SPAG16: variants seen among roughly 807,000 people sequenced by gnomAD.
The protein encoded by SPAG16 is sperm-associated antigen 16 protein.
A neutral mutation model predicts 80.4 loss-of-function variants in SPAG16; 86 were observed. That is an observed-to-expected ratio of 1.07 (90% CI 0.90 to 1.28). The LOEUF is 1.28. Among genes scored for constraint, SPAG16 ranks in the 50% most tolerant of loss-of-function variants. The pLI is 0.00. For synonymous variants in SPAG16, 294 were observed against 265.9 expected (o/e 1.11, Z -1.03); for missense variants, 870 against 765.3 (o/e 1.14, Z -1.61).
rs545066489 is a variant in SPAG16, at chr2:213,566,593, A to G, written c.1070+76503A>G. On this transcript the variant is annotated intron_variant, in intron 10 of 15. Transcript: ENST00000331683. ...CTATGCTTCACAGTAATTTCTGACC[A>G]TGGAATAATGACCTAAGCTCACTGT... Among the ~76,000 whole-genome samples the G allele has an allele frequency of 1.1e-4, 17 of 152,312 alleles. No individual in the cohort carries two copies. In the South Asian group the frequency reaches 2.7e-3, roughly 24 times the overall value.
chr2:213,713,361 T>C (rs1290832788), intron 10 of SPAG16, among the ~76,000 whole-genome samples: 2 of 152,102 alleles, frequency 1.3e-5, no homozygotes, highest in Non-Finnish European at 2.9e-5. Flanking sequence ...TGAATAGGAC[T>C]TTGTCCAAGA....
chr2:214,363,425 T>G (rs531319621), intron 15 of SPAG16, among the ~76,000 whole-genome samples: 1 of 152,202 alleles, frequency 6.6e-6, no homozygotes, highest in East Asian at 1.9e-4. Context: ...TCAAAGTACA[T>G]ATTTTTAAAT....
chr2:214,109,344 G>T (rs773825190), intron 14 of SPAG16, among the ~76,000 whole-genome samples: 32 of 152,148 alleles, frequency 2.1e-4, no homozygotes, highest in Non-Finnish European at 4.1e-4. Flanking sequence ...AAAGAGATTT[G>T]ACTACATAGA....
At chr2:214,120,143 C>G (rs890123992) in intron 14 of SPAG16, among the ~76,000 whole-genome samples, 4 of 151,750 alleles carry the variant, frequency 2.6e-5, no homozygotes, top group Non-Finnish European at 2.9e-5. Context: ...TCTAGTATCT[C>G]TTTTAGGAAT....
At chr2:213,767,481 A>G (rs2068997773) in intron 10 of SPAG16, among the ~76,000 whole-genome samples, 1 of 152,120 alleles carries the variant, frequency 6.6e-6, no homozygotes, top group Non-Finnish European at 1.5e-5. Context: ...CAACCTAGGC[A>G]ACATAGTGAG....
At chr2:214,003,215 A>G (rs1434721948) in intron 12 of SPAG16, among the ~76,000 whole-genome samples, 1 of 152,220 alleles carries the variant, frequency 6.6e-6, no homozygotes, top group African/African-American at 2.4e-5. Context: ...TCTAATCCAC[A>G]GAAATGGACT....
intron 15 of SPAG16, among the ~76,000 whole-genome samples, chr2:214,360,551 A>G (rs1189315411): frequency 6.6e-6 from 1 of 151,832 alleles, no homozygotes; most frequent in Non-Finnish European, 1.5e-5. Context: ...ATAGATGCAA[A>G]TCCATTTATC....
chr2:214,024,715 A>G (rs1231593779), intron 13 of SPAG16, among the ~76,000 whole-genome samples: 1 of 151,666 alleles, frequency 6.6e-6, no homozygotes, highest in Non-Finnish European at 1.5e-5. Context: ...AGATTGATGG[A>G]AAGTTGAAAC....
chr2:214,302,173 T>A (rs1303724129), intron 15 of SPAG16, among the ~76,000 whole-genome samples: 1 of 152,182 alleles, frequency 6.6e-6, no homozygotes, highest in African/African-American at 2.4e-5. Flanking sequence ...TTTTTGAACT[T>A]ATTGAGACTT....
intron 12 of SPAG16, among the ~76,000 whole-genome samples, chr2:213,939,194 T>G (rs1490628643): frequency 1.3e-5 from 2 of 152,206 alleles, no homozygotes; most frequent in Non-Finnish European, 2.9e-5. Flanking sequence ...AAATCACTAC[T>G]ACTTAGAAAC....
chr2:213,453,797 T>C (rs1168964701), intron 9 of SPAG16, among the ~76,000 whole-genome samples: 1 of 152,204 alleles, frequency 6.6e-6, no homozygotes, highest in Non-Finnish European at 1.5e-5. Context: ...ATTGGTTCTA[T>C]GGAAGAAGAC....
intron 10 of SPAG16, among the ~76,000 whole-genome samples, chr2:213,818,651 C>T (rs1342640524): frequency 2.0e-5 from 3 of 152,064 alleles, no homozygotes; most frequent in Non-Finnish European, 4.4e-5. Context: ...AATAAACATA[C>T]ATTATATGGT....
intron 12 of SPAG16, among the ~76,000 whole-genome samples, chr2:213,971,877 TG>T (rs763838614): frequency 7.8e-4 from 117 of 149,394 alleles, no homozygotes; most frequent in South Asian, 3.8e-3. Context: ...TCTTGTTTTT[TG>T]GTTTTTTTTT....
intron 10 of SPAG16, among the ~76,000 whole-genome samples, chr2:213,566,435 T>C (rs566072116): frequency 2.0e-5 from 3 of 152,340 alleles, no homozygotes; most frequent in Admixed American, 2.0e-4. Flanking sequence ...ATTTTTTTAT[T>C]CTTTAATCCT....
intron 11 of SPAG16, among the ~76,000 whole-genome samples, chr2:213,883,598 A>T (rs1413005982): frequency 6.6e-6 from 1 of 152,164 alleles, no homozygotes; most frequent in Admixed American, 6.5e-5. Flanking sequence ...TCTCTAATGC[A>T]GTCAGTACAG....
chr2:213,636,102 A>G (rs996261496), intron 10 of SPAG16, among the ~76,000 whole-genome samples: 1 of 152,136 alleles, frequency 6.6e-6, no homozygotes, highest in Non-Finnish European at 1.5e-5. Context: ...TAAGTCTTTG[A>G]TTCATCTTGA....
At chr2:213,498,396 A>G (rs2074586869) in intron 10 of SPAG16, among the ~76,000 whole-genome samples, 2 of 152,058 alleles carry the variant, frequency 1.3e-5, no homozygotes, top group South Asian at 4.1e-4. Context: ...AATTTTGGCA[A>G]TTTCTTATAG....
At chr2:213,809,453 C>A (rs1382960805) in intron 10 of SPAG16, among the ~76,000 whole-genome samples, 1 of 152,130 alleles carries the variant, frequency 6.6e-6, no homozygotes, top group Non-Finnish European at 1.5e-5. Context: ...TTAGATATTT[C>A]TGCTAATAAC....
intron 10 of SPAG16, among the ~76,000 whole-genome samples, chr2:213,696,224 TGAAA>T (rs2065147095): frequency 6.6e-6 from 1 of 152,200 alleles, no homozygotes; most frequent in Admixed American, 6.6e-5. Flanking sequence ...AAATTGAGAA[TGAAA>T]GAACAATATT....
Sources: allele counts gnomAD v4.1 joint callset (sites outside exome capture counted in the v4.1 genomes callset), GRCh38; gene constraint gnomAD v4.1.1; transcripts MANE v1.5; gene names NCBI Gene and HGNC (gene_info 2026-07-23, HGNC 2026-07-21).